The following B4GALT2 variants were observed in gnomAD, a reference collection of about 807,000 sequenced individuals.
B4GALT2 encodes the protein beta-1,4-galactosyltransferase 2, also known as N-acetyllactosamine synthase.
A neutral mutation model predicts 33.2 loss-of-function variants in B4GALT2; 18 were observed. The ratio of observed to expected loss-of-function variants is 0.54; its 90% CI spans 0.38 to 0.80. The LOEUF is 0.80. Ranked by LOEUF, B4GALT2 falls within the 30% of genes least tolerant of loss-of-function variation. The pLI is 0.00. For missense variants in B4GALT2, 404 were observed against 526.2 expected, an observed-to-expected ratio of 0.77 and a Z score of 2.27; for synonymous variants, 214 against 217.6, an observed-to-expected ratio of 0.98 and a Z score of 0.15.
At chr1:43,990,222 T>G in intron 6 of B4GALT2, 76 bp from the exon 7 acceptor site, 1 of 1,561,008 alleles carries the variant, frequency 6.4e-7, no homozygotes, top group Non-Finnish European at 8.8e-7. Context: ...GTCCATTTAG[T>G]TGGTTGGGGG....
In B4GALT2 at chr1:43,981,706, G is replaced by C; in HGVS notation, c.331G>C (p.Glu111Gln). ...GTCTGCAGTGGGCAGACTGCTGATC[G>C]AGTTCACCTCACCCATGCCCCTGGA... ...PPGLVGRLLI[E>Q]FTSPMPLERV... is the part of the protein sequence containing the mutation. The change falls in exon 3 of 7, where the codon GAG becomes CAG. Residue 111 changes from glutamate (E) to glutamine (Q), a missense_variant. Transcript: ENST00000372324. The surrounding 1 kb of genome is among the most constrained non-coding windows in gnomAD (Gnocchi z 8.1). The C allele has an allele frequency of 6.2e-7, 1 of 1,611,142 alleles. No individual in the cohort carries two copies. The highest frequency in any genetic ancestry group is 8.5e-7 in the Non-Finnish European group (1 of 1,178,630).
chr1:43,990,462 A>G lies in B4GALT2; in HGVS notation c.*14A>G. The G allele has an allele frequency of 6.2e-7, 1 of 1,613,992 alleles. No individual in the cohort carries two copies. Among genetic ancestry groups the G allele is most frequent in the Non-Finnish European group, 8.5e-7 (1 of 1,179,976 alleles). The stretch of plus-strand genomic sequence containing the variant: ...CCTCGGGGCTGACACTAATGGACAG[A>G]GGCTCTCGGTGCCGAAGATTGCCTG... On this transcript the variant is annotated 3_prime_UTR_variant, in exon 7 of 7. Coordinates refer to ENST00000372324, the MANE Select transcript of B4GALT2 (RefSeq NM_003780.5).
At chr1:43,980,552 C>A in intron 1 of B4GALT2, 1 of 994,242 alleles carries the variant, frequency 1.0e-6, no homozygotes, top group Admixed American at 5.9e-5. Context: ...ATGACCAAAC[C>A]ACTTCCCACC....
At chr1:43,980,279 C>A in intron 1 of B4GALT2, 1 of 455,896 alleles carries the variant, frequency 2.2e-6, no homozygotes, top group Non-Finnish European at 3.7e-6. Flanking sequence ...CAGTGCTGTG[C>A]CCATCTCCAG....
chr1:43,982,025 C>A lies in B4GALT2; in HGVS notation c.549+101C>A. ...GTGTGGATATGTGGATGGACCTGGG[C>A]GTGGGTAGTCGGTGTTTGTCAGTGT... On this transcript the variant is annotated intron_variant, in intron 3 of 6. Coordinates refer to ENST00000372324, the MANE Select transcript of B4GALT2 (RefSeq NM_003780.5). This position sits in a 1 kb window ranked among gnomAD's most constrained non-coding sequence, Gnocchi z 4.3. 8.4e-7 allele frequency: 1 copy of A among 1,185,952 alleles called. No individual in the cohort carries two copies. The highest frequency in any genetic ancestry group is 1.4e-5 in the South Asian group (1 of 71,118). The allele number at this position is 1,185,952 out of a possible 1,614,324, so 73.5% of individuals were successfully genotyped here. A position where few individuals can be genotyped will look rare whatever the true frequency, so the allele number is the denominator to read the frequency against.
At chr1:43,980,240 C>T in intron 1 of B4GALT2, 1 of 591,718 alleles carries the variant, frequency 1.7e-6, no homozygotes, top group East Asian at 3.6e-5. Context: ...GGAGCCATCG[C>T]CCAGGCAAGA....
chr1:43,983,241 C>T (rs1303383607), intron 3 of B4GALT2, among the ~76,000 whole-genome samples: 4 of 152,242 alleles, frequency 2.6e-5, no homozygotes, highest in East Asian at 3.9e-4. Context: ...AGGATGAAGA[C>T]GGTCTGGTCC....
In B4GALT2 at chr1:43,990,592, A is replaced by C; in HGVS notation, c.*144A>C. ...GGTCTTCACTAGGCCCCCTAGCTAC[A>C]CCTGGAAGTTTCAGAACCCACTTTG... On this transcript the variant is annotated 3_prime_UTR_variant, in exon 7 of 7. Coordinates refer to ENST00000372324, the MANE Select transcript of B4GALT2 (RefSeq NM_003780.5). 1 of 1,216,848 alleles carries C rather than the reference A, an allele frequency of 8.2e-7. No individual in the cohort carries two copies. Among genetic ancestry groups the C allele is most frequent in the Non-Finnish European group, 1.1e-6 (1 of 883,194 alleles). 75.4% of individuals were successfully genotyped at this position (1,216,848 alleles called of 1,614,324 possible).
intron 6 of B4GALT2, among the ~76,000 whole-genome samples, chr1:43,987,009 G>A (rs893776682): frequency 1.3e-5 from 2 of 152,138 alleles, no homozygotes; most frequent in African/African-American, 4.8e-5. Flanking sequence ...CTGGTGTGGG[G>A]TTGGTGCCTG....
Position 43,982,995 on chromosome 1 carries a change from C to T in B4GALT2, c.549+1071C>T, listed in dbSNP as rs924983411. On this transcript the variant is annotated intron_variant, in intron 3 of 6. Transcript: ENST00000372324. This position sits in a 1 kb window ranked among gnomAD's most constrained non-coding sequence, Gnocchi z 4.3. ...CAAGTAGTGGAGAGTGAGAAAAGAGCGACGTCAGGACAGCGCAAGGGTTTC... is the reference window on the plus strand; with the variant it reads ...CAAGTAGTGGAGAGTGAGAAAAGAGTGACGTCAGGACAGCGCAAGGGTTTC... Among the ~76,000 whole-genome samples, 2 of 152,058 alleles carry T rather than the reference C, an allele frequency of 1.3e-5. No individual in the cohort carries two copies. Among genetic ancestry groups the T allele is most frequent in the Non-Finnish European group, 2.9e-5 (2 of 68,020 alleles).
At chr1:43,987,908 T>C (rs1015010068) in intron 6 of B4GALT2, among the ~76,000 whole-genome samples, 1 of 152,210 alleles carries the variant, frequency 6.6e-6, no homozygotes, top group Non-Finnish European at 1.5e-5. Context: ...CCTGGAGTGC[T>C]TTGCCCCTGC....
chr1:43,980,264 A>C, intron 1 of B4GALT2: 1 of 521,724 alleles, frequency 1.9e-6, no homozygotes, highest in Non-Finnish European at 3.2e-6. Flanking sequence ...CCTTCCTGCC[A>C]TGCCCAGTGC....
In B4GALT2 at chr1:43,990,790, TC is replaced by T. The variant is rs938760785; in HGVS notation, c.*349del. The T allele has an allele frequency of 7.8e-5, 23 of 293,060 alleles. No individual in the cohort carries two copies. The highest frequency in any genetic ancestry group is 3.4e-4 in the African/African-American group (16 of 47,178). The allele number at this position is 293,060 out of a possible 1,614,324, so 18.2% of individuals were successfully genotyped here. On this transcript the variant is annotated 3_prime_UTR_variant, in exon 7 of 7. Coordinates refer to ENST00000372324, the MANE Select transcript of B4GALT2 (RefSeq NM_003780.5). ...CACTCCACCTCTCTGTGCCTCAGTTTCCCCCCCTTGAGTCCCCTAGGGCCTG... is the reference window on the plus strand; with the variant it reads ...CACTCCACCTCTCTGTGCCTCAGTTTCCCCCCTTGAGTCCCCTAGGGCCTG...
intron 1 of B4GALT2, chr1:43,980,551 C>G (rs2085582927): frequency 1.0e-6 from 1 of 994,142 alleles, no homozygotes; most frequent in African/African-American, 1.7e-5. Context: ...AATGACCAAA[C>G]CACTTCCCAC....
chr1:43,988,357 A>G (rs2154303415), intron 6 of B4GALT2, among the ~76,000 whole-genome samples: 1 of 81,408 alleles, frequency 1.2e-5, no homozygotes, highest in Admixed American at 1.2e-4. Context: ...CCAAAAATAC[A>G]AAAAAAAAAA....
At chr1:43,988,503 CA>C (rs1400697365) in intron 6 of B4GALT2, among the ~76,000 whole-genome samples, 1 of 151,422 alleles carries the variant, frequency 6.6e-6, no homozygotes, top group Non-Finnish European at 1.5e-5. Context: ...CTAAAAATAC[CA>C]AAAAAATTAG....
intron 6 of B4GALT2, among the ~76,000 whole-genome samples, chr1:43,987,805 A>G (rs532058533): frequency 2.0e-4 from 30 of 152,306 alleles, no homozygotes; most frequent in Non-Finnish European, 4.1e-4. Flanking sequence ...CCAAGCTAAT[A>G]TTCTGCTTTT....
In B4GALT2 at chr1:43,985,439, G is replaced by A. The variant is rs772994420; in HGVS notation, c.863+39G>A. The stretch of plus-strand genomic sequence containing the variant: ...CGGTGGGGAATAGGCTGGGTGGGGG[G>A]GGGAGGGGGGGTGCAGACTGGGTGG... On this transcript the variant is annotated intron_variant, in intron 5 of 6. Coordinates refer to ENST00000372324, the MANE Select transcript of B4GALT2 (RefSeq NM_003780.5). The A allele has an allele frequency of 2.4e-5, 15 of 612,888 alleles. 1 individual carries two copies. The highest frequency in any genetic ancestry group is 4.2e-5 in the Non-Finnish European group (15 of 358,976). 38.0% of individuals were successfully genotyped at this position (612,888 alleles called of 1,614,324 possible). A position where few individuals can be genotyped will look rare whatever the true frequency, so the allele number is the denominator to read the frequency against.
intron 4 of B4GALT2, 101 bp downstream of exon 4, chr1:43,985,156 A>G (rs1470525226): frequency 1.3e-6 from 2 of 1,566,460 alleles, no homozygotes; most frequent in East Asian, 2.3e-5. Flanking sequence ...TGTGGCCCAG[A>G]CCCCACTGGC....
Sources: allele counts gnomAD v4.1 joint callset (sites outside exome capture counted in the v4.1 genomes callset), GRCh38; gene constraint gnomAD v4.1.1; non-coding constraint Gnocchi (gnomAD v3.1); transcripts MANE v1.5; gene names NCBI Gene and HGNC (gene_info 2026-07-23, HGNC 2026-07-21).